The following TRDN variants were observed in gnomAD, a reference collection of about 807,000 sequenced individuals.
The protein encoded by TRDN is triadin.
TRDN carries 161 observed loss-of-function variants against 149.7 expected under a neutral mutation model. That is an observed-to-expected ratio of 1.08 (90% confidence interval 0.95 to 1.23). TRDN has a LOEUF of 1.23. TRDN is among the 50% of genes most tolerant of loss of function. The probability of loss-of-function intolerance (pLI) is 0.00; values close to 1 mark genes in which losing one functional copy is unlikely to be tolerated. For synonymous variants in TRDN, 294 were observed against 250.5 expected, an observed-to-expected ratio of 1.17 and a Z score of -1.64; for missense variants, 896 against 823.5, an observed-to-expected ratio of 1.09 and a Z score of -1.08.
chr6:123,236,009 T>A (rs1486904869), intron 38 of TRDN, among the ~76,000 whole-genome samples: 1 of 152,194 alleles, frequency 6.6e-6, no homozygotes, highest in Non-Finnish European at 1.5e-5. Flanking sequence ...TGTTCACATT[T>A]TTGGGCAAAC....
chr6:123,494,170 T>C (rs1357406706), intron 9 of TRDN, among the ~76,000 whole-genome samples: 1 of 152,164 alleles, frequency 6.6e-6, no homozygotes, highest in Non-Finnish European at 1.5e-5. Context: ...TCTAATCCTA[T>C]AGAACTAGGA....
intron 9 of TRDN, among the ~76,000 whole-genome samples, chr6:123,465,624 A>G (rs991891722): frequency 1.3e-5 from 2 of 151,636 alleles, no homozygotes; most frequent in African/African-American, 4.8e-5. Context: ...AGAGAAAGAA[A>G]GAAAACCCAC....
intron 1 of TRDN, among the ~76,000 whole-genome samples, chr6:123,623,453 G>C (rs1034371815): frequency 1.3e-5 from 2 of 151,962 alleles, no homozygotes; most frequent in Non-Finnish European, 2.9e-5. Context: ...TTTTGGGGGT[G>C]TTTATGGAGT....
intron 21 of TRDN, 22 bp downstream of exon 21, chr6:123,352,517 A>G (rs1291514122): frequency 6.2e-7 from 1 of 1,608,306 alleles, no homozygotes; most frequent in East Asian, 2.2e-5. Flanking sequence ...AGATAATGTC[A>G]ACCTCCTTCA....
At position 123,571,070 on chromosome 6, in the gene TRDN, C is replaced by A. The variant is rs763469367; in HGVS notation, c.85G>T (p.Gly29Ter). 6.2e-7 allele frequency: 1 copy of A among 1,613,798 alleles called. No homozygotes were observed. Among genetic ancestry groups the A allele is most frequent in the Non-Finnish European group, 8.5e-7 (1 of 1,179,872 alleles). ...SKNGSVPKSP[G>*]KVLKRTVTED... The stretch of plus-strand genomic sequence containing the variant: ...GTGACTGTCCTCTTCAGCACTTTTC[C>A]GGGGGATTTGGGCACAGATCCATTT... Residue 29 changes from glycine (G) to a stop codon, truncating the protein, a stop_gained, in exon 2 of 41, where the codon GGA becomes TGA. Coordinates refer to ENST00000334268, the MANE Select transcript of TRDN (RefSeq NM_006073.4). LOFTEE classifies it high-confidence loss of function.
intron 14 of TRDN, 24 bp downstream of exon 14, chr6:123,388,498 A>G (rs1250186385): frequency 6.3e-7 from 1 of 1,580,962 alleles, no homozygotes; most frequent in Admixed American, 1.8e-5. Context: ...CAAAAGGCTC[A>G]GTGGGATTTT....
At position 123,217,462 on chromosome 6, in the gene TRDN, T is replaced by C. The variant is rs768687157; in HGVS notation, c.*1139A>G. On this transcript the variant is annotated 3_prime_UTR_variant, in exon 41 of 41. Transcript: ENST00000334268. Reference sequence around the variant, plus strand: ...GGTCACAGAGGCATGACTTTTAGAGTTGATAAAAACAATGTAGTAAAGAAC... The same window carrying C: ...GGTCACAGAGGCATGACTTTTAGAGCTGATAAAAACAATGTAGTAAAGAAC... 1.3e-5 allele frequency: 2 copies of C among 151,870 alleles called. No homozygotes were observed. The highest frequency in any genetic ancestry group is 2.4e-5 in the African/African-American group (1 of 41,374). The allele number at this position is 151,870 out of a possible 1,614,324, so 9.4% of individuals were successfully genotyped here.
chr6:123,291,173 T>A (rs1333235719), intron 24 of TRDN, among the ~76,000 whole-genome samples: 1 of 152,050 alleles, frequency 6.6e-6, no homozygotes, highest in Non-Finnish European at 1.5e-5. Context: ...TGTATTTTCT[T>A]TTCCAAGAAA....
intron 24 of TRDN, among the ~76,000 whole-genome samples, chr6:123,312,804 C>T (rs1778876392): frequency 6.6e-6 from 1 of 151,920 alleles, no homozygotes; most frequent in African/African-American, 2.4e-5. Context: ...TTCCTTGTAG[C>T]CATCTTTCGA....
rs6939956 is a variant in TRDN, at chr6:123,352,765, G to A, written c.1322-179C>T. On this transcript the variant is annotated intron_variant, in intron 20 of 40. Transcript: ENST00000334268. ...ATTGAAACCAGATTTTATATCTAAA[G>A]AATTAAAGAAAAAAGTGATAATCTT... 5.5e-3 allele frequency among the ~76,000 whole-genome samples: 837 copies of A among 151,846 alleles called. 7 individuals carry two copies. Among genetic ancestry groups the A allele is most frequent in the African/African-American group, 0.019 (807 of 41,484 alleles).
At chr6:123,572,703 A>G (rs1361103424) in intron 1 of TRDN, among the ~76,000 whole-genome samples, 1 of 152,152 alleles carries the variant, frequency 6.6e-6, no homozygotes, top group Non-Finnish European at 1.5e-5. Flanking sequence ...TGCCAAAAGC[A>G]AAGTTAAAAA....
chr6:123,508,561 T>C (rs1312482878), intron 7 of TRDN, among the ~76,000 whole-genome samples: 1 of 152,162 alleles, frequency 6.6e-6, no homozygotes. Context: ...TCAACTTCTC[T>C]TTTCATCATT....
At chr6:123,572,555 G>A (rs1385418217) in intron 1 of TRDN, among the ~76,000 whole-genome samples, 1 of 152,026 alleles carries the variant, frequency 6.6e-6, no homozygotes, top group Non-Finnish European at 1.5e-5. Context: ...ACTATTTCAT[G>A]TTACATTTAA....
At chr6:123,306,405 T>C (rs1167996278) in intron 24 of TRDN, among the ~76,000 whole-genome samples, 1 of 152,054 alleles carries the variant, frequency 6.6e-6, no homozygotes, top group Non-Finnish European at 1.5e-5. Context: ...AGGATGTTGA[T>C]CAAAAGGGGG....
At chr6:123,313,701 G>A (rs1778916368) in intron 24 of TRDN, among the ~76,000 whole-genome samples, 1 of 151,838 alleles carries the variant, frequency 6.6e-6, no homozygotes, top group South Asian at 2.1e-4. Flanking sequence ...AGAGAACCCA[G>A]AAATAAGACT....
chr6:123,388,440 C>A, intron 14 of TRDN, 82 bp downstream of exon 14: 1 of 1,455,644 alleles, frequency 6.9e-7, no homozygotes, highest in Admixed American at 2.0e-5. Flanking sequence ...GGAATATAGA[C>A]AGAATAGCAG....
chr6:123,624,891 C>T (rs769558602), intron 1 of TRDN, among the ~76,000 whole-genome samples: 4 of 151,974 alleles, frequency 2.6e-5, no homozygotes, highest in South Asian at 2.1e-4. Flanking sequence ...CTGTTAAAAA[C>T]GAATCAGAAA....
rs372811049 is a variant in TRDN, at chr6:123,272,956, C to A, written c.1672+8G>T. 32 of 1,525,814 alleles carry A rather than the reference C, an allele frequency of 2.1e-5. No homozygotes were observed. Among genetic ancestry groups the A allele is most frequent in the African/African-American group, 2.8e-5 (2 of 71,302 alleles). 94.5% of individuals were successfully genotyped at this position (1,525,814 alleles called of 1,614,324 possible). On this transcript the variant is annotated splice_region_variant and intron_variant, in intron 29 of 40. Coordinates refer to ENST00000334268, the MANE Select transcript of TRDN (RefSeq NM_006073.4). ...TATTTGAGACTACAAATACCACCTGCAAAATACCTGGTTTACCATGAGAAA... is the reference window on the plus strand; with the variant it reads ...TATTTGAGACTACAAATACCACCTGAAAAATACCTGGTTTACCATGAGAAA...
chr6:123,528,081 A>G (rs2114323665), intron 5 of TRDN, among the ~76,000 whole-genome samples: 1 of 152,094 alleles, frequency 6.6e-6, no homozygotes, highest in Middle Eastern at 3.4e-3. Context: ...GGGACAAAGT[A>G]GAAATAAAAG....
Sources: allele counts gnomAD v4.1 joint callset (sites outside exome capture counted in the v4.1 genomes callset), GRCh38; gene constraint gnomAD v4.1.1; transcripts MANE v1.5; gene names NCBI Gene and HGNC (gene_info 2026-07-23, HGNC 2026-07-21).